IL1RL1: variants seen among roughly 807,000 people sequenced by gnomAD.
The protein encoded by IL1RL1 is interleukin 1 receptor like 1.
IL1RL1 carries 32 observed loss-of-function variants against 50.9 expected under a neutral mutation model. That is an observed-to-expected ratio of 0.63 (90% CI 0.47 to 0.84). IL1RL1 has a LOEUF of 0.84. IL1RL1 is among the 40% of genes least tolerant of loss of function. IL1RL1 has a pLI of 0.00. For synonymous variants in IL1RL1, 275 were observed against 236.0 expected, an observed-to-expected ratio of 1.17 and a Z score of -1.51; for missense variants, 773 against 662.9, an observed-to-expected ratio of 1.17 and a Z score of -1.82.
rs1377001163 is a variant in IL1RL1 at position 102,320,952 on chromosome 2, G to A, written c.-150+9329G>A. On this transcript the variant is annotated intron_variant, in intron 1 of 10. Coordinates refer to ENST00000233954, the MANE Select transcript of IL1RL1 (RefSeq NM_016232.5). ...GTGGTCTTCATCACACTTAATAAAAGCCAAGGTGCTCAGGGTGACTCACTC... is the reference window on the plus strand; with the variant it reads ...GTGGTCTTCATCACACTTAATAAAAACCAAGGTGCTCAGGGTGACTCACTC... 4.6e-5 allele frequency among the ~76,000 whole-genome samples: 7 copies of A among 152,170 alleles called. No homozygotes were observed. In the South Asian group the frequency reaches 1.2e-3, roughly 27 times the overall value.
At chr2:102,348,585 A>G (rs555555115) in intron 9 of IL1RL1, among the ~76,000 whole-genome samples, 11 of 152,354 alleles carry the variant, frequency 7.2e-5, no homozygotes, top group Admixed American at 5.9e-4. Flanking sequence ...TGCAAACTTC[A>G]TGCTTACATT....
chr2:102,320,941 A>G (rs1676819309), intron 1 of IL1RL1, among the ~76,000 whole-genome samples: 1 of 152,224 alleles, frequency 6.6e-6, no homozygotes, highest in Non-Finnish European at 1.5e-5. Context: ...TCTTCATCAC[A>G]CTTAATAAAA....
At chr2:102,338,424 T>A (rs1244634240) in intron 2 of IL1RL1, 99 bp downstream of exon 2, 1 of 642,484 alleles carries the variant, frequency 1.6e-6, no homozygotes, top group Non-Finnish European at 2.6e-6. Context: ...GTTGTTCCAG[T>A]TGAATTGTAA....
chr2:102,314,764 C>T (rs1676624333), intron 1 of IL1RL1, among the ~76,000 whole-genome samples: 1 of 152,174 alleles, frequency 6.6e-6, no homozygotes. Context: ...TATGAAAATA[C>T]ATTACAAGGT....
At chr2:102,348,144 G>T (rs747647787) in intron 9 of IL1RL1, 53 bp downstream of exon 9, 7 of 1,419,420 alleles carry the variant, frequency 4.9e-6, no homozygotes, top group South Asian at 4.8e-5. Context: ...CATAATAACT[G>T]TTGGTTACCT....
rs759177271 is a variant in IL1RL1 at position 102,351,621 on chromosome 2, G to A, written c.1371G>A (p.Glu457=). The change falls in exon 11 of 11, where the codon GAG becomes GAA. Residue 457 remains glutamate, a synonymous_variant. Transcript: ENST00000233954. ...ILTPQITHNK[E]FAYEQEVALH... ...CCCCTCAGATCACTCACAATAAGGA[G>A]TTTGCCTACGAGCAGGAGGTTGCCC... 6.2e-7 allele frequency: 1 copy of A among 1,614,040 alleles called. No individual in the cohort carries two copies. The highest frequency in any genetic ancestry group is 1.3e-5 in the African/African-American group (1 of 74,926).
chr2:102,351,504 T>C (rs769824132), intron 10 of IL1RL1, 32 bp from the exon 11 acceptor site: 5 of 1,581,876 alleles, frequency 3.2e-6, no homozygotes, highest in Admixed American at 3.4e-5. Flanking sequence ...ATTAGACTGA[T>C]AAGAAATCTG....
At chr2:102,339,117 G>T in intron 3 of IL1RL1, 70 bp downstream of exon 3, 3 of 1,096,008 alleles carry the variant, frequency 2.7e-6, no homozygotes, top group Non-Finnish European at 4.2e-6. Flanking sequence ...TGCCTGAGCT[G>T]CCCTTGCTTT....
intron 6 of IL1RL1, 22 bp from the exon 7 acceptor site, chr2:102,343,014 G>C (rs1677630670): frequency 6.2e-7 from 1 of 1,606,484 alleles, no homozygotes; most frequent in Non-Finnish European, 8.5e-7. Flanking sequence ...TTTTATTGGT[G>C]AATGTCCTTA....
intron 6 of IL1RL1, 46 bp from the exon 7 acceptor site, chr2:102,342,990 G>A: frequency 6.3e-7 from 1 of 1,581,686 alleles, no homozygotes; most frequent in Non-Finnish European, 8.6e-7. Flanking sequence ...TAAAATGCCA[G>A]TCGCAGAAGT....
chr2:102,349,338 G>A lies in IL1RL1; in HGVS notation c.1285+92G>A. 9.2e-6 allele frequency: 9 copies of A among 973,148 alleles called. 1 individual carries two copies. In the East Asian group the frequency reaches 9.6e-5, roughly 10 times the overall value. The allele number at this position is 973,148 out of a possible 1,614,324, so 60.3% of individuals were successfully genotyped here. A position where few individuals can be genotyped will look rare whatever the true frequency, so the allele number is the denominator to read the frequency against. On this transcript the variant is annotated intron_variant, in intron 10 of 10. Coordinates refer to ENST00000233954, the MANE Select transcript of IL1RL1 (RefSeq NM_016232.5). ...TTATCCCTGCATTGGATAATGAATT[G>A]CATTTACTACCACAGGCCTTAAGAC...
intron 10 of IL1RL1, among the ~76,000 whole-genome samples, chr2:102,350,005 C>T (rs111945914): frequency 1.6e-4 from 25 of 152,258 alleles, no homozygotes; most frequent in Middle Eastern, 3.4e-3. Flanking sequence ...ATTCACATGC[C>T]TATAGATGTA....
intron 8 of IL1RL1, chr2:102,343,743 A>T: frequency 1.6e-6 from 2 of 1,226,938 alleles, no homozygotes; most frequent in East Asian, 7.6e-5. Flanking sequence ...AAATGCACCA[A>T]CAACCGTAAA....
At chr2:102,335,757 T>C (rs3755278) in intron 1 of IL1RL1, among the ~76,000 whole-genome samples, 12,635 of 152,210 alleles carry the variant, frequency 0.083, 585 homozygotes, top group Middle Eastern at 0.3. Flanking sequence ...TGTTTTGGGA[T>C]ACCAAATGTA....
intron 1 of IL1RL1, among the ~76,000 whole-genome samples, chr2:102,330,250 G>T (rs959553432): frequency 6.6e-6 from 1 of 151,458 alleles, no homozygotes; most frequent in Non-Finnish European, 1.5e-5. Flanking sequence ...ACAAAAAACC[G>T]AACACCACAT....
chr2:102,342,547 A>G (rs1677611531), intron 6 of IL1RL1, among the ~76,000 whole-genome samples: 1 of 152,162 alleles, frequency 6.6e-6, no homozygotes, highest in South Asian at 2.1e-4. Context: ...ATCTAATTTC[A>G]TCTTCATCTC....
intron 1 of IL1RL1, among the ~76,000 whole-genome samples, chr2:102,327,613 C>A (rs1443454656): frequency 1.3e-5 from 2 of 152,112 alleles, no homozygotes; most frequent in Admixed American, 6.5e-5. Flanking sequence ...GCTAGCAAGA[C>A]TAATAAAGAA....
At chr2:102,316,163 G>A (rs1676668984) in intron 1 of IL1RL1, among the ~76,000 whole-genome samples, 1 of 152,142 alleles carries the variant, frequency 6.6e-6, no homozygotes, top group African/African-American at 2.4e-5. Context: ...ATTGTCTTTG[G>A]CATGTCTCTG....
At chr2:102,326,376 C>T (rs940108380) in intron 1 of IL1RL1, among the ~76,000 whole-genome samples, 11 of 152,166 alleles carry the variant, frequency 7.2e-5, no homozygotes, top group South Asian at 2.1e-4. Context: ...AAGGAACAAC[C>T]GGTACCAGCC....
Sources: gnomAD v4.1 joint callset for allele counts (sites outside exome capture counted in the v4.1 genomes callset) on GRCh38, gnomAD v4.1.1 for gene constraint, MANE v1.5 for transcripts, NCBI Gene and HGNC (gene_info 2026-07-23, HGNC 2026-07-21) for gene names.